CMIP: variants seen among roughly 807,000 people sequenced by gnomAD.
The protein encoded by CMIP is C-Maf-inducing protein.
Under a neutral mutation model 97.3 loss-of-function variants are expected in CMIP, and 13 were observed. The observed-to-expected ratio is 0.13, with a 90% CI of 0.09 to 0.21. The LOEUF is 0.21. Ranked by LOEUF, CMIP falls within the 10% of genes least tolerant of loss-of-function variation. CMIP has a pLI of 1.00. For missense variants in CMIP, 847 were observed against 1,024.9 expected, an observed-to-expected ratio of 0.83 and a Z score of 2.37; for synonymous variants, 538 against 436.3, an observed-to-expected ratio of 1.23 and a Z score of -2.91.
At chr16:81,494,936 A>T (rs2089463237) in intron 1 of CMIP, among the ~76,000 whole-genome samples, 1 of 152,178 alleles carries the variant, frequency 6.6e-6, no homozygotes, top group Admixed American at 6.5e-5. Flanking sequence ...CACTTTACAG[A>T]TGAAGTCATT....
At chr16:81,662,796 C>T (rs975541139) in intron 6 of CMIP, among the ~76,000 whole-genome samples, 29 of 152,270 alleles carry the variant, frequency 1.9e-4, no homozygotes, top group African/African-American at 5.5e-4. Context: ...AACAAAACAC[C>T]GCGCTGGTGA....
At chr16:81,476,526 T>C (rs760106373) in intron 1 of CMIP, 1 of 656,254 alleles carries the variant, frequency 1.5e-6, no homozygotes, top group Non-Finnish European at 2.9e-6. Flanking sequence ...CCATGGCTGA[T>C]AGAACAGGTT....
rs530658500 is a variant in CMIP, at chr16:81,655,144, T to G, written c.640-2631T>G. On this transcript the variant is annotated intron_variant, in intron 4 of 20. Transcript: ENST00000537098. This position sits in a 1 kb window ranked among gnomAD's most constrained non-coding sequence, Gnocchi z 4.9. ...GGAGATGTCTGTGGTCTGAACCCCG[T>G]AAGCACCTTCAGCCAGGGGTCTGGA... 2.0e-5 allele frequency among the ~76,000 whole-genome samples: 3 copies of G among 152,294 alleles called. No homozygotes were observed. In the East Asian group the frequency reaches 5.8e-4, roughly 29 times the overall value.
chr16:81,710,601 A>ACT lies in CMIP; in HGVS notation c.*802_*803insCT, dbSNP rs1158803221. 1.3e-5 allele frequency: 2 copies of ACT among 151,706 alleles called. No homozygotes were observed. The highest frequency in any genetic ancestry group is 4.9e-5 in the African/African-American group (2 of 41,220). 9.4% of individuals were successfully genotyped at this position (151,706 alleles called of 1,614,324 possible). A position where few individuals can be genotyped will look rare whatever the true frequency, so the allele number is the denominator to read the frequency against. On this transcript the variant is annotated 3_prime_UTR_variant, in exon 21 of 21. Transcript: ENST00000537098. ...TTTTTCGTAATGGATTCTCTATGCT[A>ACT]ATGCTCTCTCGTCTGTCTGTCTGTC...
At chr16:81,678,180 C>A in intron 9 of CMIP, 95 bp from the exon 10 acceptor site, 1 of 925,236 alleles carries the variant, frequency 1.1e-6, no homozygotes, top group Non-Finnish European at 1.6e-6. Context: ...ATTTTGGCCT[C>A]ATCCTGGGAT....
At position 81,652,385 on chromosome 16, in the gene CMIP, C is replaced by T; in HGVS notation, c.639+21C>T. 7.5e-6 allele frequency: 12 copies of T among 1,596,252 alleles called. No homozygotes were observed. Among genetic ancestry groups the T allele is most frequent in the Non-Finnish European group, 1.0e-5 (12 of 1,171,250 alleles). The stretch of plus-strand genomic sequence containing the variant: ...CAGAGGTAAAACCCCTCCCCTGGAC[C>T]CCTTTACATTGTTTGCCTTTCCCTC... On this transcript the variant is annotated intron_variant, in intron 4 of 20. Transcript: ENST00000537098. The surrounding 1 kb of genome is among the most constrained non-coding windows in gnomAD (Gnocchi z 5.2).
At chr16:81,626,483 C>CTA (rs2092066361) in intron 3 of CMIP, among the ~76,000 whole-genome samples, 1 of 131,786 alleles carries the variant, frequency 7.6e-6, no homozygotes, top group African/African-American at 2.9e-5. Flanking sequence ...TGTGGGGTGA[C>CTA]TTTTATGAAT....
At chr16:81,514,739 A>G (rs937392491) in intron 1 of CMIP, among the ~76,000 whole-genome samples, 3 of 152,084 alleles carry the variant, frequency 2.0e-5, no homozygotes, top group Non-Finnish European at 4.4e-5. Context: ...CAGTCTCCTT[A>G]TCTGTAAAGT....
intron 16 of CMIP, among the ~76,000 whole-genome samples, chr16:81,702,002 C>G (rs1907470754): frequency 6.6e-6 from 1 of 152,236 alleles, no homozygotes; most frequent in Non-Finnish European, 1.5e-5. Context: ...TCACACAGCT[C>G]ATTGGGGCCT....
intron 7 of CMIP, among the ~76,000 whole-genome samples, chr16:81,668,938 AC>A (rs1365729903): frequency 4.2e-5 from 4 of 95,978 alleles, no homozygotes; most frequent in African/African-American, 1.7e-4. Flanking sequence ...GGCCTTCCAC[AC>A]CCACCTCACA....
chr16:81,588,078 A>G (rs1426479390), intron 1 of CMIP, among the ~76,000 whole-genome samples: 1 of 152,128 alleles, frequency 6.6e-6, no homozygotes, highest in Non-Finnish European at 1.5e-5. Flanking sequence ...CCTGCCTCCA[A>G]GAGGACCGAG....
chr16:81,513,197 CT>C (rs1250589064), intron 1 of CMIP, among the ~76,000 whole-genome samples: 1 of 152,200 alleles, frequency 6.6e-6, no homozygotes, highest in African/African-American at 2.4e-5. Context: ...GATTCTCCCC[CT>C]AGATCGAGTT....
chr16:81,472,784 C>T (rs1907637143), intron 1 of CMIP, among the ~76,000 whole-genome samples: 1 of 152,156 alleles, frequency 6.6e-6, no homozygotes, highest in South Asian at 2.1e-4. Context: ...TGCAGAGGCC[C>T]TGGGGTGGCT....
intron 7 of CMIP, among the ~76,000 whole-genome samples, chr16:81,669,895 C>T (rs929838422): frequency 1.3e-5 from 2 of 152,230 alleles, no homozygotes; most frequent in African/African-American, 4.8e-5. Context: ...TTGAGGGTGG[C>T]TTTCTCTACA....
intron 1 of CMIP, among the ~76,000 whole-genome samples, chr16:81,476,794 A>G (rs1450981925): frequency 1.3e-5 from 2 of 152,228 alleles, no homozygotes; most frequent in Non-Finnish European, 1.5e-5. Flanking sequence ...CTCCATTTAC[A>G]GGAATCCAAG....
intron 1 of CMIP, among the ~76,000 whole-genome samples, chr16:81,517,447 A>C (rs2089938701): frequency 6.6e-6 from 1 of 152,240 alleles, no homozygotes; most frequent in Admixed American, 6.5e-5. Flanking sequence ...TCATCACACA[A>C]ATGCATAACA....
chr16:81,497,755 C>G (rs796267594), intron 1 of CMIP, among the ~76,000 whole-genome samples: 30 of 152,358 alleles, frequency 2.0e-4, no homozygotes, highest in African/African-American at 6.7e-4. Flanking sequence ...TGCTGTGAAG[C>G]CACAGGGCTT....
intron 2 of CMIP, chr16:81,618,590 A>G (rs1050886052): frequency 2.0e-5 from 3 of 152,246 alleles, no homozygotes; most frequent in Non-Finnish European, 4.4e-5. Context: ...GAGCCAGCTC[A>G]TCCCAGCTTG....
Position 81,465,672 on chromosome 16 carries a change from G to A in CMIP, c.300+20131G>A, listed in dbSNP as rs146229462. On this transcript the variant is annotated intron_variant, in intron 1 of 20. Coordinates refer to ENST00000537098, the MANE Select transcript of CMIP (RefSeq NM_198390.3). The stretch of plus-strand genomic sequence containing the variant: ...ACCTTGGGCCTGGCTCAGCTGAACC[G>A]TGAGAGGGCCTCTCTGGCTCGACCA... 3.6e-3 allele frequency among the ~76,000 whole-genome samples: 545 copies of A among 152,376 alleles called. 3 individuals are homozygous for A. The highest frequency in any genetic ancestry group is 4.7e-3 in the Non-Finnish European group (319 of 68,034).
Sources: allele counts gnomAD v4.1 joint callset (sites outside exome capture counted in the v4.1 genomes callset), GRCh38; gene constraint gnomAD v4.1.1; non-coding constraint Gnocchi (gnomAD v3.1); transcripts MANE v1.5; gene names NCBI Gene and HGNC (gene_info 2026-07-23, HGNC 2026-07-21).